The following TRPS1 variants were observed in gnomAD, a reference collection of about 807,000 sequenced individuals.
TRPS1 encodes the protein transcriptional repressor GATA binding 1, also known as zinc finger transcription factor Trps1.
Under a neutral mutation model 101.2 loss-of-function variants are expected in TRPS1, and 6 were observed. That is an observed-to-expected ratio of 0.06 (90% CI 0.03 to 0.12). The LOEUF is 0.12. TRPS1 is among the 10% of genes least tolerant of loss of function. The pLI, the probability that TRPS1 is intolerant of heterozygous loss-of-function variation, is 1.00. For synonymous variants in TRPS1, 578 were observed against 589.8 expected (o/e 0.98, Z 0.29); for missense variants, 1,363 against 1,567.0 (o/e 0.87, Z 2.20).
At chr8:115,466,359 A>G (rs965609068) in intron 5 of TRPS1, among the ~76,000 whole-genome samples, 3 of 152,202 alleles carry the variant, frequency 2.0e-5, no homozygotes, top group African/African-American at 7.2e-5. Flanking sequence ...ACTCTGTCAT[A>G]GCATATTCAG....
rs141395709 is a variant in TRPS1, at chr8:115,553,690, A to G, written c.2700+33311T>C. On this transcript the variant is annotated intron_variant, in intron 5 of 6. Coordinates refer to ENST00000395715, the MANE Select transcript of TRPS1 (RefSeq NM_014112.5). Reference sequence around the variant, plus strand: ...TATATAAGCAGCTTAATTTTCAATAACATTTAGTTTTCTAGGCTAAGATAC... The same window carrying G: ...TATATAAGCAGCTTAATTTTCAATAGCATTTAGTTTTCTAGGCTAAGATAC... Among the ~76,000 whole-genome samples, 1,250 of 152,254 alleles carry G rather than the reference A, an allele frequency of 8.2e-3. 19 individuals are homozygous for G. The highest frequency in any genetic ancestry group is 0.028 in the African/African-American group (1,180 of 41,578).
At chr8:115,533,450 T>TTTTTTTGTTTTTTTTTTG (rs1816197657) in intron 5 of TRPS1, among the ~76,000 whole-genome samples, 1 of 129,990 alleles carries the variant, frequency 7.7e-6, no homozygotes, top group African/African-American at 3.3e-5. Context: ...TTTTTTTTTT[T>TTTTTTTGTTTTTTTTTTG]TTTTTTTTTC....
At chr8:115,584,800 T>C (rs1817528863) in intron 5 of TRPS1, among the ~76,000 whole-genome samples, 1 of 152,056 alleles carries the variant, frequency 6.6e-6, no homozygotes, top group Admixed American at 6.5e-5. Flanking sequence ...TCATCTAAGA[T>C]ATGTACACAT....
chr8:115,530,487 C>A (rs1816103443), intron 5 of TRPS1, among the ~76,000 whole-genome samples: 1 of 152,050 alleles, frequency 6.6e-6, no homozygotes, highest in African/African-American at 2.4e-5. Flanking sequence ...CAAAAATAAT[C>A]CACCCTGATT....
At chr8:115,593,672 G>A (rs1003627605) in intron 4 of TRPS1, among the ~76,000 whole-genome samples, 1 of 152,072 alleles carries the variant, frequency 6.6e-6, no homozygotes, top group African/African-American at 2.4e-5. Flanking sequence ...CATTAATTTG[G>A]ACTCTCCTCC....
intron 1 of TRPS1, chr8:115,667,984 C>T (rs1811968589): frequency 7.7e-7 from 1 of 1,303,606 alleles, no homozygotes; most frequent in African/African-American, 1.5e-5. Flanking sequence ...CCAGCTCCTC[C>T]GCTGCGCCCG....
intron 5 of TRPS1, among the ~76,000 whole-genome samples, chr8:115,470,783 C>T (rs911110735): frequency 9.9e-5 from 15 of 152,000 alleles, no homozygotes; most frequent in Non-Finnish European, 1.9e-4. Flanking sequence ...TTCTCTATGC[C>T]ACAAGACATG....
chr8:115,563,843 T>C (rs1817005789), intron 5 of TRPS1, among the ~76,000 whole-genome samples: 2 of 152,112 alleles, frequency 1.3e-5, no homozygotes. Context: ...GGGAAATCAA[T>C]GCAGTCTTGG....
intron 5 of TRPS1, among the ~76,000 whole-genome samples, chr8:115,576,286 T>TATATATAG (rs1554590793): frequency 1.5e-5 from 2 of 130,612 alleles, no homozygotes; most frequent in African/African-American, 5.6e-5. Context: ...TTCATATATA[T>TATATATAG]ATATAGATAT....
chr8:115,554,572 T>C (rs1816774711), intron 5 of TRPS1, among the ~76,000 whole-genome samples: 1 of 152,180 alleles, frequency 6.6e-6, no homozygotes, highest in South Asian at 2.1e-4. Flanking sequence ...CCATCAGTTA[T>C]TATGCGCAAA....
chr8:115,454,119 C>T (rs1813954100), intron 5 of TRPS1, among the ~76,000 whole-genome samples: 1 of 152,126 alleles, frequency 6.6e-6, no homozygotes, highest in South Asian at 2.1e-4. Flanking sequence ...TTTAACCTCC[C>T]TACACCCCAC....
intron 5 of TRPS1, among the ~76,000 whole-genome samples, chr8:115,476,014 T>TAAGTGCAAGTAAAATCAGCA (rs1586312131): frequency 5.7e-5 from 3 of 52,824 alleles, no homozygotes; most frequent in Non-Finnish European, 7.0e-5. Context: ...TCTTTTTTTT[T>TAAGTGCAAGTAAAATCAGCA]TTTTTTTTTT....
Position 115,418,465 on chromosome 8 carries a change from A to G in TRPS1, c.2701-13T>C, listed in dbSNP as rs748717384. 1.1e-4 allele frequency: 173 copies of G among 1,613,988 alleles called. No individual in the cohort carries two copies. In the African/African-American group the frequency reaches 1.5e-3, roughly 14 times the overall value. ...AGCCTCTACGCCTCTGAAACAGGGG[A>G]AAAAAACCAAGGTCAGAGGTGAGTC... On this transcript the variant is annotated splice_polypyrimidine_tract_variant and intron_variant, in intron 5 of 6. Coordinates refer to ENST00000395715, the MANE Select transcript of TRPS1 (RefSeq NM_014112.5). The surrounding 1 kb of genome is among the most constrained non-coding windows in gnomAD (Gnocchi z 4.3).
chr8:115,528,704 TTAAC>T (rs1441776368), intron 5 of TRPS1, among the ~76,000 whole-genome samples: 2 of 151,980 alleles, frequency 1.3e-5, no homozygotes, highest in Non-Finnish European at 2.9e-5. Flanking sequence ...TCAGTAGTCT[TTAAC>T]TACTAATCAC....
At position 115,587,311 on chromosome 8, in the gene TRPS1, C is replaced by G; in HGVS notation, c.2390G>C (p.Ser797Thr). The stretch of plus-strand genomic sequence containing the variant: ...CACATTGCGAAGGTCATCACTGGAA[C>G]TCTCGGTCCAAACTTTCTCTTTGAG... ...DGLKEKVWTE[S>T]SSDDLRNVTW... The change falls in exon 5 of 7, where the codon AGT becomes ACT. Residue 797 changes from serine to threonine, a missense_variant. Physicochemically the swap from Ser to Thr is moderately conservative, Grantham distance 58. Transcript: ENST00000395715. The G allele has an allele frequency of 6.2e-7, 1 of 1,614,212 alleles. No individual in the cohort carries two copies. Among genetic ancestry groups the G allele is most frequent in the South Asian group, 1.1e-5 (1 of 91,088 alleles).
intron 5 of TRPS1, among the ~76,000 whole-genome samples, chr8:115,577,054 T>C (rs1586421136): frequency 6.6e-6 from 1 of 152,152 alleles, no homozygotes; most frequent in Non-Finnish European, 1.5e-5. Context: ...GCCAAATATG[T>C]GCATCTCCTA....
intron 3 of TRPS1, among the ~76,000 whole-genome samples, chr8:115,606,957 A>G (rs1282705229): frequency 6.6e-6 from 1 of 152,094 alleles, no homozygotes; most frequent in Admixed American, 6.6e-5. Context: ...AGTATGCAAA[A>G]TCTAGAGATA....
At chr8:115,581,068 T>C (rs979169501) in intron 5 of TRPS1, among the ~76,000 whole-genome samples, 4 of 151,606 alleles carry the variant, frequency 2.6e-5, no homozygotes, top group African/African-American at 9.7e-5. Context: ...TATTCAGTCA[T>C]AAAAAAAGAA....
At chr8:115,490,249 G>A (rs898027720) in intron 5 of TRPS1, among the ~76,000 whole-genome samples, 18 of 152,042 alleles carry the variant, frequency 1.2e-4, no homozygotes, top group African/African-American at 4.3e-4. Context: ...TAGTAAGCAA[G>A]AAAGTAAAAC....
Sources: allele counts gnomAD v4.1 joint callset (sites outside exome capture counted in the v4.1 genomes callset), GRCh38; gene constraint gnomAD v4.1.1; non-coding constraint Gnocchi (gnomAD v3.1); transcripts MANE v1.5; gene names NCBI Gene and HGNC (gene_info 2026-07-23, HGNC 2026-07-21).